ANKFN1: variants seen among roughly 807,000 people sequenced by gnomAD.
ANKFN1 encodes the protein ankyrin repeat and fibronectin type-III domain-containing protein 1.
In ANKFN1, 74 loss-of-function variants were observed where a neutral mutation model predicts 108.7. The observed-to-expected ratio is 0.68, with a 90% CI of 0.56 to 0.83. ANKFN1 has a LOEUF of 0.83. Ranked by LOEUF, ANKFN1 falls within the 40% of genes least tolerant of loss-of-function variation. The probability of loss-of-function intolerance (pLI) is 0.00; values close to 1 mark genes in which losing one functional copy is unlikely to be tolerated. For missense variants in ANKFN1, 1,505 were observed against 1,382.3 expected, an observed-to-expected ratio of 1.09 and a Z score of -1.41; for synonymous variants, 547 against 516.2, an observed-to-expected ratio of 1.06 and a Z score of -0.81.
chr17:56,266,601 T>C (rs1469326703), intron 3 of ANKFN1, among the ~76,000 whole-genome samples: 1 of 152,182 alleles, frequency 6.6e-6, no homozygotes, highest in East Asian at 1.9e-4. Context: ...TGACCTTAGT[T>C]TGCCAGTGTA....
At chr17:56,437,017 A>G (rs1473653228) in intron 8 of ANKFN1, among the ~76,000 whole-genome samples, 1 of 152,140 alleles carries the variant, frequency 6.6e-6, no homozygotes, top group African/African-American at 2.4e-5. Context: ...TTGCCCCAGA[A>G]TAGATTGGCC....
chr17:56,200,929 T>C (rs1235379008), intron 1 of ANKFN1, among the ~76,000 whole-genome samples: 1 of 152,208 alleles, frequency 6.6e-6, no homozygotes. Context: ...TTCTGAAGCA[T>C]TGCATAAAAG....
intron 8 of ANKFN1, among the ~76,000 whole-genome samples, chr17:56,418,191 G>A (rs1173744872): frequency 1.3e-5 from 2 of 151,942 alleles, no homozygotes; most frequent in South Asian, 2.1e-4. Context: ...TTAAATAATC[G>A]AAACTATTTG....
intron 4 of ANKFN1, among the ~76,000 whole-genome samples, chr17:56,056,006 T>A (rs1275746526): frequency 2.0e-5 from 3 of 152,006 alleles, no homozygotes; most frequent in Non-Finnish European, 2.9e-5. Flanking sequence ...TTTTTTTTTC[T>A]TTTGCTGCTT....
chr17:56,352,416 T>C (rs2046270620), intron 5 of ANKFN1, among the ~76,000 whole-genome samples: 1 of 152,154 alleles, frequency 6.6e-6, no homozygotes, highest in African/African-American at 2.4e-5. Flanking sequence ...CACATGTTAA[T>C]CAGGTGACCC....
chr17:56,460,325 C>T (rs1433300108), intron 14 of ANKFN1, among the ~76,000 whole-genome samples: 1 of 152,094 alleles, frequency 6.6e-6, no homozygotes, highest in East Asian at 1.9e-4. Context: ...TGGTGGTGCA[C>T]ATCTGCAGTA....
At chr17:56,454,004 G>A (rs1171070822) in intron 11 of ANKFN1, among the ~76,000 whole-genome samples, 1 of 152,110 alleles carries the variant, frequency 6.6e-6, no homozygotes, top group Non-Finnish European at 1.5e-5. Context: ...CACCTGGAAA[G>A]TCCTTTCAAC....
At chr17:56,451,822 A>C (rs1301025971) in intron 11 of ANKFN1, among the ~76,000 whole-genome samples, 1 of 152,222 alleles carries the variant, frequency 6.6e-6, no homozygotes, top group African/African-American at 2.4e-5. Flanking sequence ...ATTGAAGTGT[A>C]ATTGGTGACT....
intron 15 of ANKFN1, among the ~76,000 whole-genome samples, chr17:56,475,523 A>G (rs554623144): frequency 2.0e-5 from 3 of 152,188 alleles, no homozygotes; most frequent in Non-Finnish European, 4.4e-5. Context: ...ATAGAATTCT[A>G]TAGACATTTC....
chr17:56,414,785 G>A (rs1489689757), intron 8 of ANKFN1, among the ~76,000 whole-genome samples: 3 of 152,144 alleles, frequency 2.0e-5, no homozygotes, highest in South Asian at 2.1e-4. Flanking sequence ...TTGGAAGGCC[G>A]AGATGGGCAG....
intron 2 of ANKFN1, among the ~76,000 whole-genome samples, chr17:56,225,270 G>T (rs1015101370): frequency 3.9e-5 from 6 of 152,030 alleles, no homozygotes; most frequent in Non-Finnish European, 5.9e-5. Flanking sequence ...TATCTCCCTA[G>T]GGTTATTATG....
At chr17:56,174,111 T>C (rs1380181027) in intron 1 of ANKFN1, 1 of 922,916 alleles carries the variant, frequency 1.1e-6, no homozygotes, top group African/African-American at 1.8e-5. Context: ...GTGGGTCAGC[T>C]TGACATTGTG....
intron 8 of ANKFN1, among the ~76,000 whole-genome samples, chr17:56,411,307 T>C (rs2048083734): frequency 6.6e-6 from 1 of 152,214 alleles, no homozygotes; most frequent in Non-Finnish European, 1.5e-5. Flanking sequence ...TTTTAGTGTA[T>C]GGAAAAATAC....
At chr17:56,116,952 G>T (rs1906319082) in intron 4 of ANKFN1, among the ~76,000 whole-genome samples, 1 of 152,076 alleles carries the variant, frequency 6.6e-6, no homozygotes, top group Admixed American at 6.5e-5. Context: ...ATACAGGTGT[G>T]CTCATTCTGT....
intron 1 of ANKFN1, among the ~76,000 whole-genome samples, chr17:56,187,488 G>A (rs555151072): frequency 7.3e-4 from 111 of 152,242 alleles, no homozygotes; most frequent in African/African-American, 2.6e-3. Flanking sequence ...ACTGTTGGTG[G>A]GACTGTAAAC....
intron 1 of ANKFN1, among the ~76,000 whole-genome samples, chr17:56,190,639 G>A (rs1396797507): frequency 1.3e-5 from 1 of 79,026 alleles, no homozygotes; most frequent in African/African-American, 5.7e-5. Context: ...CCAAGTATGT[G>A]GTCAATTTTG....
At chr17:56,251,726 T>G (rs1023703785) in intron 3 of ANKFN1, among the ~76,000 whole-genome samples, 4 of 152,056 alleles carry the variant, frequency 2.6e-5, no homozygotes, top group African/African-American at 9.7e-5. Flanking sequence ...CCACTCCAGG[T>G]GAAATTTGAA....
chr17:56,246,240 A>T (rs889052584), intron 3 of ANKFN1, among the ~76,000 whole-genome samples: 1 of 152,056 alleles, frequency 6.6e-6, no homozygotes, highest in Non-Finnish European at 1.5e-5. Flanking sequence ...ATGGGCAATC[A>T]CTTCTTGGCC....
At chr17:56,394,266 G>A (rs1427392061) in intron 8 of ANKFN1, among the ~76,000 whole-genome samples, 1 of 152,050 alleles carries the variant, frequency 6.6e-6, no homozygotes, top group Non-Finnish European at 1.5e-5. Context: ...TTACACTATG[G>A]TGGCTCCTCC....
Sources: gnomAD v4.1 joint callset for allele counts (sites outside exome capture counted in the v4.1 genomes callset) on GRCh38, gnomAD v4.1.1 for gene constraint, MANE v1.5 for transcripts, NCBI Gene and HGNC (gene_info 2026-07-23, HGNC 2026-07-21) for gene names.